KCNN3: variants seen among roughly 807,000 people sequenced by gnomAD.
KCNN3 encodes the protein small conductance calcium-activated potassium channel protein 3.
Under a neutral mutation model 62.9 loss-of-function variants are expected in KCNN3, and 16 were observed. That is an observed-to-expected ratio of 0.25 (90% CI 0.17 to 0.39). The LOEUF is 0.39. KCNN3 is among the 10% of genes least tolerant of loss of function. KCNN3 has a pLI of 1.00. For missense variants in KCNN3, 599 were observed against 949.4 expected, an observed-to-expected ratio of 0.63 and a Z score of 4.85; for synonymous variants, 370 against 389.2, an observed-to-expected ratio of 0.95 and a Z score of 0.58.
At chr1:154,717,858 T>TAAAAG in intron 5 of KCNN3, among the ~76,000 whole-genome samples, 1 of 152,204 alleles carries the variant, frequency 6.6e-6, no homozygotes, top group Admixed American at 6.5e-5. Context: ...TGCACTGTGC[T>TAAAAG]TTCCCAGGTG....
At chr1:154,737,605 G>A (rs1219891464) in intron 3 of KCNN3, among the ~76,000 whole-genome samples, 1 of 151,976 alleles carries the variant, frequency 6.6e-6, no homozygotes, top group Admixed American at 6.6e-5. Context: ...ACTCTTGAAG[G>A]AAAAATCCTA....
rs564734480 is a variant in KCNN3 at position 154,786,680 on chromosome 1, C to G, written c.1030-14287G>C. 2.0e-5 allele frequency among the ~76,000 whole-genome samples: 3 copies of G among 152,336 alleles called. No individual in the cohort carries two copies. The East Asian group carries it at 5.8e-4, about 29-fold the overall frequency. On this transcript the variant is annotated intron_variant, in intron 2 of 7. Transcript: ENST00000271915. ...CACACAAAAGGTGCATTAATCACCT[C>G]TGGCTAAACACTAAATTGTTAACAC...
chr1:154,866,652 G>C (rs1452420733), intron 1 of KCNN3, among the ~76,000 whole-genome samples: 1 of 152,244 alleles, frequency 6.6e-6, no homozygotes, highest in Non-Finnish European at 1.5e-5. Flanking sequence ...GGGTGAATGA[G>C]TGAGCAAGTT....
At chr1:154,795,326 C>T (rs200208596) in intron 2 of KCNN3, among the ~76,000 whole-genome samples, 15 of 152,328 alleles carry the variant, frequency 9.8e-5, no homozygotes, top group East Asian at 3.9e-4. Flanking sequence ...AGGCTGACTG[C>T]GTGAAAGAAC....
At chr1:154,832,871 A>G (rs1651429046) in intron 1 of KCNN3, among the ~76,000 whole-genome samples, 1 of 152,212 alleles carries the variant, frequency 6.6e-6, no homozygotes, top group Admixed American at 6.5e-5. Flanking sequence ...CGCACAACAG[A>G]TTCCCAGATT....
Position 154,809,425 on chromosome 1 carries a change from T to C in KCNN3, c.1029+12664A>G, listed in dbSNP as rs1336589868. 6.6e-6 allele frequency among the ~76,000 whole-genome samples: 1 copy of C among 152,138 alleles called. No individual in the cohort carries two copies. Among genetic ancestry groups the C allele is most frequent in the Non-Finnish European group, 1.5e-5 (1 of 68,014 alleles). The stretch of plus-strand genomic sequence containing the variant: ...GCTGGGGTGGGAGGGCACATAAAAC[T>C]ACAACCTCACAGGAGGCCACAAAAC... On this transcript the variant is annotated intron_variant, in intron 2 of 7. Coordinates refer to ENST00000271915, the MANE Select transcript of KCNN3 (RefSeq NM_002249.6). The surrounding 1 kb of genome is among the most constrained non-coding windows in gnomAD (Gnocchi z 4.3).
rs1233036087 is a variant in KCNN3, at chr1:154,809,373, A to C, written c.1029+12716T>G. Among the ~76,000 whole-genome samples the C allele has an allele frequency of 1.3e-5, 2 of 151,474 alleles. No homozygotes were observed. Among genetic ancestry groups the C allele is most frequent in the Non-Finnish European group, 2.9e-5 (2 of 67,898 alleles). On this transcript the variant is annotated intron_variant, in intron 2 of 7. Coordinates refer to ENST00000271915, the MANE Select transcript of KCNN3 (RefSeq NM_002249.6). This position sits in a 1 kb window ranked among gnomAD's most constrained non-coding sequence, Gnocchi z 4.3. ...GCATGGCTCAATAAACACGTGTTCT[A>C]TGAATGCAGAGCAGGCTTATTTGGG...
In KCNN3 at chr1:154,705,515, A is replaced by G. The variant is rs1171480427; in HGVS notation, c.*2461T>C. 1 of 152,218 alleles carries G rather than the reference A, an allele frequency of 6.6e-6. No individual in the cohort carries two copies. Among genetic ancestry groups the G allele is most frequent in the African/African-American group, 2.4e-5 (1 of 41,472 alleles). The allele number at this position is 152,218 out of a possible 1,614,324, so 9.4% of individuals were successfully genotyped here. A position where few individuals can be genotyped will look rare whatever the true frequency, so the allele number is the denominator to read the frequency against. ...ATGCCAGTGGCTACTGCTACCAGAA[A>G]TAACTCCAGTCACTCCCTTGACTAG... On this transcript the variant is annotated 3_prime_UTR_variant, in exon 8 of 8. Transcript: ENST00000271915.
intron 5 of KCNN3, among the ~76,000 whole-genome samples, chr1:154,723,568 G>A (rs1252135561): frequency 6.6e-6 from 1 of 152,140 alleles, no homozygotes; most frequent in Non-Finnish European, 1.5e-5. Flanking sequence ...GCATACAAAG[G>A]AGCTGGCTTT....
intron 3 of KCNN3, among the ~76,000 whole-genome samples, chr1:154,737,666 T>C (rs886341521): frequency 6.6e-6 from 1 of 150,616 alleles, no homozygotes; most frequent in Admixed American, 6.6e-5. Flanking sequence ...GAGACAAGAA[T>C]GGAATGCTGT....
At chr1:154,773,283 GCTCCACCCCTT>G (rs1390912975) in intron 2 of KCNN3, among the ~76,000 whole-genome samples, 2 of 152,216 alleles carry the variant, frequency 1.3e-5, no homozygotes, top group Admixed American at 1.3e-4. Context: ...GGGCATGGAA[GCTCCACCCCTT>G]CCCATGCGCC....
At chr1:154,808,737 C>T (rs78529886) in intron 2 of KCNN3, among the ~76,000 whole-genome samples, 166 of 152,342 alleles carry the variant, frequency 1.1e-3, no homozygotes, top group African/African-American at 3.8e-3. Flanking sequence ...TCCCATTCCA[C>T]ACATACACAC....
chr1:154,732,900 A>AC (rs1019858240), intron 4 of KCNN3, 103 bp downstream of exon 4: 6 of 1,317,950 alleles, frequency 4.6e-6, no homozygotes, highest in African/African-American at 2.9e-5. Flanking sequence ...ACTAACAGCC[A>AC]CCCCCCGCTC....
intron 3 of KCNN3, among the ~76,000 whole-genome samples, chr1:154,739,941 G>T (rs1386054623): frequency 6.6e-6 from 1 of 152,250 alleles, no homozygotes; most frequent in Non-Finnish European, 1.5e-5. Flanking sequence ...GAGAGAACTT[G>T]AGGCAGAGGT....
chr1:154,834,811 T>G (rs1651520743), intron 1 of KCNN3, among the ~76,000 whole-genome samples: 1 of 152,152 alleles, frequency 6.6e-6, no homozygotes, highest in Non-Finnish European at 1.5e-5. Context: ...GAGCCAGACT[T>G]GAAACACACA....
chr1:154,744,249 C>T (rs1413679466), intron 3 of KCNN3, among the ~76,000 whole-genome samples: 2 of 151,816 alleles, frequency 1.3e-5, no homozygotes, highest in African/African-American at 4.8e-5. Flanking sequence ...GAATGAATGG[C>T]TCCACTTCGT....
Position 154,812,968 on chromosome 1 carries a change from T to C in KCNN3, c.1029+9121A>G, listed in dbSNP as rs907236788. Among the ~76,000 whole-genome samples, 17 of 152,206 alleles carry C rather than the reference T, an allele frequency of 1.1e-4. 1 individual carries two copies. The highest frequency in any genetic ancestry group is 1.5e-4 in the Non-Finnish European group (10 of 68,034). ...CCACTCTCCCGACATTTTCCTCTCC[T>C]TGTCAGGCAGTGCCCCTCAGACATG... On this transcript the variant is annotated intron_variant, in intron 2 of 7. Coordinates refer to ENST00000271915, the MANE Select transcript of KCNN3 (RefSeq NM_002249.6).
intron 3 of KCNN3, among the ~76,000 whole-genome samples, chr1:154,763,448 T>A (rs1648114317): frequency 6.6e-6 from 1 of 152,136 alleles, no homozygotes; most frequent in East Asian, 1.9e-4. Flanking sequence ...ACAATCATAG[T>A]CCACTACTGG....
intron 5 of KCNN3, among the ~76,000 whole-genome samples, chr1:154,719,250 A>G (rs536889065): frequency 4.6e-5 from 7 of 152,304 alleles, no homozygotes; most frequent in Admixed American, 4.6e-4. Flanking sequence ...TTGCCAGGGA[A>G]GTATTCTACT....
Sources: allele counts gnomAD v4.1 joint callset (sites outside exome capture counted in the v4.1 genomes callset), GRCh38; gene constraint gnomAD v4.1.1; non-coding constraint Gnocchi (gnomAD v3.1); transcripts MANE v1.5; gene names NCBI Gene and HGNC (gene_info 2026-07-23, HGNC 2026-07-21).